WDR17: variants seen among roughly 807,000 people sequenced by gnomAD.
WDR17 encodes WD repeat-containing protein 17.
WDR17 carries 143 observed loss-of-function variants against 161.7 expected under a neutral mutation model. That is an observed-to-expected ratio of 0.88 (90% CI 0.77 to 1.02). WDR17 has a LOEUF of 1.02. Ranked by LOEUF, WDR17 falls within the 50% of genes least tolerant of loss-of-function variation. WDR17 has a pLI of 0.00. For missense variants in WDR17, 1,469 were observed against 1,520.9 expected, an observed-to-expected ratio of 0.97 and a Z score of 0.57; for synonymous variants, 517 against 515.6, an observed-to-expected ratio of 1.00 and a Z score of -0.04.
At chr4:176,118,834 G>C (rs1415933236) in intron 3 of WDR17, among the ~76,000 whole-genome samples, 1 of 151,812 alleles carries the variant, frequency 6.6e-6, no homozygotes, top group Non-Finnish European at 1.5e-5. Context: ...GGTGGCGGGC[G>C]CCTGTAGTCC....
At chr4:176,116,099 A>G in intron 3 of WDR17, 120 bp downstream of exon 3, 1 of 1,011,272 alleles carries the variant, frequency 9.9e-7, no homozygotes, top group South Asian at 2.0e-5. Context: ...GGTAATCTGT[A>G]TAAGAAATAA....
rs796868651 is a variant in WDR17 at position 176,065,907 on chromosome 4, A to T, written c.-179A>T. The T allele has an allele frequency of 6.6e-6, 1 of 151,896 alleles. No homozygotes were observed. Among genetic ancestry groups the T allele is most frequent in the South Asian group, 2.1e-4 (1 of 4,816 alleles). 9.4% of individuals were successfully genotyped at this position (151,896 alleles called of 1,614,324 possible). On this transcript the variant is annotated 5_prime_UTR_variant, in exon 1 of 29. Transcript: ENST00000508596. ...GGCTCCGCGCTGGGGCTTGCGGAGC[A>T]CGCTTCCCGCCCCTCGGAGCCCGCG...
intron 1 of WDR17, among the ~76,000 whole-genome samples, chr4:176,088,908 T>C (rs1377309210): frequency 6.6e-6 from 1 of 152,156 alleles, no homozygotes; most frequent in Non-Finnish European, 1.5e-5. Flanking sequence ...ATCCCAGAGA[T>C]AGATTTAAGT....
chr4:176,121,800 G>T (rs998147282), intron 4 of WDR17, among the ~76,000 whole-genome samples: 1 of 152,148 alleles, frequency 6.6e-6, no homozygotes, highest in African/African-American at 2.4e-5. Context: ...AAAGAAAAAA[G>T]ACTACCTTTG....
chr4:176,154,984 C>A (rs928508538), intron 17 of WDR17, among the ~76,000 whole-genome samples: 1 of 151,692 alleles, frequency 6.6e-6, no homozygotes, highest in Non-Finnish European at 1.5e-5. Flanking sequence ...AATATGAAGA[C>A]AAGTATTATA....
chr4:176,075,160 T>A (rs1159480831), intron 1 of WDR17, among the ~76,000 whole-genome samples: 4 of 150,960 alleles, frequency 2.6e-5, no homozygotes, highest in African/African-American at 9.7e-5. Flanking sequence ...TAATATTTTT[T>A]CCAGTTTTTT....
intron 1 of WDR17, among the ~76,000 whole-genome samples, chr4:176,101,833 A>C (rs1328420531): frequency 6.6e-6 from 1 of 152,190 alleles, no homozygotes; most frequent in Non-Finnish European, 1.5e-5. Context: ...ATGTTAAAAA[A>C]AAAGAATCTA....
chr4:176,137,496 A>C (rs1482822950), intron 8 of WDR17, 24 bp from the exon 9 acceptor site: 1 of 1,561,742 alleles, frequency 6.4e-7, no homozygotes, highest in South Asian at 1.1e-5. Flanking sequence ...ATTTAGTATA[A>C]TGTCTAACAA....
intron 18 of WDR17, among the ~76,000 whole-genome samples, chr4:176,156,413 C>G (rs1561193535): frequency 6.6e-6 from 1 of 152,116 alleles, no homozygotes; most frequent in Non-Finnish European, 1.5e-5. Flanking sequence ...CAAACATACT[C>G]ACTGATTAAT....
In WDR17 at chr4:176,131,555, T is replaced by G. The variant is rs1743455922; in HGVS notation, c.915T>G (p.Phe305Leu). Residue 305 changes from phenylalanine to leucine, a missense_variant and splice_region_variant, in exon 7 of 29, where the codon TTT becomes TTG. Coordinates refer to ENST00000508596, the MANE Select transcript of WDR17 (RefSeq NM_181265.4). ...HVLNSPPRKK[F>L]SVQSPTKNHY... Reference sequence around the variant, plus strand: ...GGATTTTTTTTCTTCTATTTTTAGTTTCAGTCCAATCTCCAACCAAAAATC... The same window carrying G: ...GGATTTTTTTTCTTCTATTTTTAGTGTCAGTCCAATCTCCAACCAAAAATC... 1 of 1,600,622 alleles carries G rather than the reference T, an allele frequency of 6.2e-7. No homozygotes were observed. The highest frequency in any genetic ancestry group is 8.5e-7 in the Non-Finnish European group (1 of 1,174,894).
chr4:176,122,684 A>G (rs943112329), intron 4 of WDR17, among the ~76,000 whole-genome samples: 4 of 152,182 alleles, frequency 2.6e-5, no homozygotes, highest in African/African-American at 9.7e-5. Context: ...CTGGCACCAC[A>G]GATGGTTCTA....
intron 5 of WDR17, among the ~76,000 whole-genome samples, chr4:176,126,995 C>A (rs1274016103): frequency 1.3e-5 from 2 of 152,144 alleles, no homozygotes; most frequent in African/African-American, 4.8e-5. Context: ...AATTAAACCT[C>A]TTTTCTTTAT....
At chr4:176,144,449 AAT>A (rs1383021143) in intron 11 of WDR17, among the ~76,000 whole-genome samples, 46 of 152,198 alleles carry the variant, frequency 3.0e-4, no homozygotes, top group Non-Finnish European at 8.8e-5. Context: ...ATGTTCAATA[AAT>A]ATTTGTTAAA....
At chr4:176,176,511 C>A (rs1224064600) in intron 26 of WDR17, among the ~76,000 whole-genome samples, 1 of 152,150 alleles carries the variant, frequency 6.6e-6, no homozygotes, top group Non-Finnish European at 1.5e-5. Flanking sequence ...GAAACCTCAC[C>A]ACTTTTCAGC....
chr4:176,113,377 A>C (rs114940167), intron 2 of WDR17, among the ~76,000 whole-genome samples: 1 of 152,108 alleles, frequency 6.6e-6, no homozygotes, highest in African/African-American at 2.4e-5. Context: ...AAATTTTGTG[A>C]TGACATTTTA....
rs766574499 is a variant in WDR17, at chr4:176,146,076, A to G, written c.1611A>G (p.Val537=). 3 of 1,614,058 alleles carry G rather than the reference A, an allele frequency of 1.9e-6. No individual in the cohort carries two copies. Among genetic ancestry groups the G allele is most frequent in the Non-Finnish European group, 2.5e-6 (3 of 1,179,968 alleles). Reference sequence around the variant, plus strand: ...CCAGCTCAGATCAACCATTGAAAGTATTTAGTGGGCATACAGCAAAAGTGT... The same window carrying G: ...CCAGCTCAGATCAACCATTGAAAGTGTTTAGTGGGCATACAGCAAAAGTGT... ...VATSSDQPLK[V]FSGHTAKVFH... The change falls in exon 12 of 29, where the codon GTA becomes GTG. Residue 537 remains valine (V), a synonymous_variant. Coordinates refer to ENST00000508596, the MANE Select transcript of WDR17 (RefSeq NM_181265.4).
intron 20 of WDR17, 23 bp downstream of exon 20, chr4:176,161,025 G>GCAAATAAAA: frequency 6.3e-7 from 1 of 1,578,740 alleles, no homozygotes. Context: ...TTTGCTCTGG[G>GCAAATAAAA]TCCATATGTT....
chr4:176,153,829 T>G (rs1042316027), intron 17 of WDR17, among the ~76,000 whole-genome samples: 1 of 152,206 alleles, frequency 6.6e-6, no homozygotes, highest in Non-Finnish European at 1.5e-5. Flanking sequence ...TAATAACATG[T>G]GCCATTTTAA....
At chr4:176,157,391 GATTAACAC>G (rs1748322616) in intron 18 of WDR17, among the ~76,000 whole-genome samples, 1 of 152,094 alleles carries the variant, frequency 6.6e-6, no homozygotes, top group Admixed American at 6.6e-5. Context: ...AATTCAGAAG[GATTAACAC>G]ATTTGCCATG....
Sources: gnomAD v4.1 joint callset for allele counts (sites outside exome capture counted in the v4.1 genomes callset) on GRCh38, gnomAD v4.1.1 for gene constraint, MANE v1.5 for transcripts, NCBI Gene and HGNC (gene_info 2026-07-23, HGNC 2026-07-21) for gene names.